Variants in NR3C2 observed in about 807,000 individuals in gnomAD.
NR3C2 encodes nuclear receptor subfamily 3 group C member 2.
NR3C2 carries 15 observed loss-of-function variants against 86.4 expected under a neutral mutation model. The ratio of observed to expected loss-of-function variants is 0.17; its 90% CI spans 0.12 to 0.27. The LOEUF is 0.27. Ranked by LOEUF, NR3C2 falls within the 10% of genes least tolerant of loss-of-function variation. The pLI, the probability that NR3C2 is intolerant of heterozygous loss-of-function variation, is 1.00. For missense variants in NR3C2, 960 were observed against 1,195.6 expected (o/e 0.80, Z 2.91); for synonymous variants, 458 against 450.5 (o/e 1.02, Z -0.21).
intron 2 of NR3C2, among the ~76,000 whole-genome samples, chr4:148,317,903 T>C (rs546825744): frequency 2.0e-5 from 3 of 152,162 alleles, no homozygotes; most frequent in Admixed American, 2.0e-4. Context: ...ACTTTAAGTT[T>C]TAGGGTACAT....
intron 6 of NR3C2, among the ~76,000 whole-genome samples, chr4:148,145,100 A>T (rs1733804758): frequency 6.6e-6 from 1 of 152,152 alleles, no homozygotes; most frequent in African/African-American, 2.4e-5. Context: ...CTCCTAATAG[A>T]TAGAAAAACC....
intron 2 of NR3C2, among the ~76,000 whole-genome samples, chr4:148,302,133 G>A (rs1175665741): frequency 2.0e-5 from 3 of 152,074 alleles, no homozygotes; most frequent in Non-Finnish European, 4.4e-5. Flanking sequence ...GTTTACAAAC[G>A]CTATGGAACT....
intron 2 of NR3C2, among the ~76,000 whole-genome samples, chr4:148,330,008 CAAT>C (rs1744154125): frequency 6.6e-6 from 1 of 152,158 alleles, no homozygotes; most frequent in African/African-American, 2.4e-5. Context: ...TGCACTACAA[CAAT>C]GTCAACATTT....
chr4:148,414,725 G>C (rs979215704), intron 2 of NR3C2, among the ~76,000 whole-genome samples: 1 of 152,160 alleles, frequency 6.6e-6, no homozygotes, highest in Non-Finnish European at 1.5e-5. Flanking sequence ...AGACGTGAGA[G>C]CTTCTGAAAG....
At chr4:148,235,315 G>T in intron 3 of NR3C2, among the ~76,000 whole-genome samples, 1 of 148,516 alleles carries the variant, frequency 6.7e-6, no homozygotes, top group South Asian at 2.2e-4. Flanking sequence ...GATACATATG[G>T]AAGAATTTAT....
At chr4:148,386,311 TC>T (rs1379525880) in intron 2 of NR3C2, among the ~76,000 whole-genome samples, 5 of 152,148 alleles carry the variant, frequency 3.3e-5, no homozygotes, top group African/African-American at 9.7e-5. Context: ...TGGTCACAGG[TC>T]TGAGCCACAG....
At chr4:148,106,210 ACAC>A (rs1170075002) in intron 8 of NR3C2, among the ~76,000 whole-genome samples, 1 of 152,238 alleles carries the variant, frequency 6.6e-6, no homozygotes, top group Non-Finnish European at 1.5e-5. Flanking sequence ...GCATTGCCAT[ACAC>A]CAACAATAGG....
intron 3 of NR3C2, among the ~76,000 whole-genome samples, chr4:148,203,017 CTATGT>C (rs1466374514): frequency 1.3e-5 from 2 of 152,126 alleles, no homozygotes; most frequent in African/African-American, 4.8e-5. Context: ...TTTATGCTCC[CTATGT>C]TATGTGAAAT....
At chr4:148,236,858 G>C (rs183596198) in intron 3 of NR3C2, among the ~76,000 whole-genome samples, 1 of 152,090 alleles carries the variant, frequency 6.6e-6, no homozygotes, top group Non-Finnish European at 1.5e-5. Flanking sequence ...TAAACACATC[G>C]ATGCAAAAAC....
intron 6 of NR3C2, among the ~76,000 whole-genome samples, chr4:148,131,100 G>A (rs1733024309): frequency 6.6e-6 from 1 of 152,080 alleles, no homozygotes; most frequent in Non-Finnish European, 1.5e-5. Flanking sequence ...CCAAAGTGCT[G>A]GGATTACAGG....
At chr4:148,404,474 G>T (rs10034882) in intron 2 of NR3C2, among the ~76,000 whole-genome samples, 15,836 of 152,018 alleles carry the variant, frequency 0.1, 983 homozygotes, top group Middle Eastern at 0.32. Context: ...TGTTTTTTGG[G>T]GGGAGTCTAG....
chr4:148,098,383 T>A (rs763578333), intron 8 of NR3C2, among the ~76,000 whole-genome samples: 1 of 152,128 alleles, frequency 6.6e-6, no homozygotes, highest in Non-Finnish European at 1.5e-5. Flanking sequence ...CACGTCATAG[T>A]TTTCTTGCAC....
rs146162016 is a variant in NR3C2 at position 148,247,871 on chromosome 4, T to G, written c.1897+12107A>C. Among the ~76,000 whole-genome samples, 44 of 152,238 alleles carry G rather than the reference T, an allele frequency of 2.9e-4. No individual in the cohort carries two copies. The East Asian group carries it at 7.7e-3, about 27-fold the overall frequency. Reference sequence around the variant, plus strand: ...CTTGCTCATGGGTTGATGTTCTAAGTTCTGAACCTGGTTTTTCATGATTCA... The same window carrying G: ...CTTGCTCATGGGTTGATGTTCTAAGGTCTGAACCTGGTTTTTCATGATTCA... On this transcript the variant is annotated intron_variant, in intron 3 of 8. Coordinates refer to ENST00000358102, the MANE Select transcript of NR3C2 (RefSeq NM_000901.5).
At position 148,253,807 on chromosome 4, in the gene NR3C2, C is replaced by T. The variant is rs563387820; in HGVS notation, c.1897+6171G>A. Among the ~76,000 whole-genome samples the T allele has an allele frequency of 1.2e-4, 19 of 152,242 alleles. 1 individual carries two copies. In the South Asian group the frequency reaches 3.9e-3, roughly 32 times the overall value. ...GTTATGCTTAATCTTTTCATCACCC[C>T]CTCACTAGAATGTAAGCTCTACCAA... On this transcript the variant is annotated intron_variant, in intron 3 of 8. Coordinates refer to ENST00000358102, the MANE Select transcript of NR3C2 (RefSeq NM_000901.5).
At chr4:148,172,081 T>G (rs2149784747) in intron 4 of NR3C2, among the ~76,000 whole-genome samples, 1 of 152,248 alleles carries the variant, frequency 6.6e-6, no homozygotes. Context: ...TCATTCTTGG[T>G]TTTCTTTTCT....
chr4:148,324,367 T>TGTGTGTG (rs1561043273), intron 2 of NR3C2, among the ~76,000 whole-genome samples: 4 of 70,498 alleles, frequency 5.7e-5, no homozygotes, highest in South Asian at 4.8e-4. Context: ...GTGTGTGTGT[T>TGTGTGTG]TGTGTGTGTG....
intron 4 of NR3C2, among the ~76,000 whole-genome samples, chr4:148,190,017 G>A (rs1736120972): frequency 6.6e-6 from 1 of 151,846 alleles, no homozygotes; most frequent in East Asian, 1.9e-4. Context: ...CTTTTGTATT[G>A]TTTGTTTGTT....
intron 3 of NR3C2, among the ~76,000 whole-genome samples, chr4:148,205,764 C>T (rs3910052): frequency 0.71 from 107,988 of 152,046 alleles, 38,730 homozygotes; most frequent in African/African-American, 0.81. Context: ...ACTATTTTCG[C>T]CTCAGAAATC....
chr4:148,120,332 T>C (rs1309696961), intron 6 of NR3C2, 44 bp from the exon 7 acceptor site: 1 of 1,612,990 alleles, frequency 6.2e-7, no homozygotes, highest in South Asian at 1.1e-5. Flanking sequence ...CAAGATTCAT[T>C]ATCAAACCCA....
Sources: gnomAD v4.1 joint callset for allele counts (sites outside exome capture counted in the v4.1 genomes callset) on GRCh38, gnomAD v4.1.1 for gene constraint, MANE v1.5 for transcripts, NCBI Gene and HGNC (gene_info 2026-07-23, HGNC 2026-07-21) for gene names.